The following PVT1 variants were observed in gnomAD, a reference collection of about 807,000 sequenced individuals.
The protein encoded by PVT1 is Pvt1 oncogene, also known as CXCR4/PVT1 fusion.
At chr8:127,980,791 C>CTTTTTTTTTTTTT (rs11361552) in intron 3 of PVT1, among the ~76,000 whole-genome samples, 5 of 120,414 alleles carry the variant, frequency 4.2e-5, no homozygotes, top group Non-Finnish European at 6.7e-5. Flanking sequence ...ACTACAGCTT[C>CTTTTTTTTTTTTT]TTTTTTTTTT....
intron 1 of PVT1, among the ~76,000 whole-genome samples, chr8:127,794,935 C>T (rs1814376891): frequency 6.6e-6 from 1 of 152,066 alleles, no homozygotes; most frequent in South Asian, 2.1e-4. Context: ...AGGGGGATGA[C>T]ACCGAATGGC....
chr8:127,915,251 A>C (rs1223364074), intron 3 of PVT1, among the ~76,000 whole-genome samples: 2 of 152,136 alleles, frequency 1.3e-5, no homozygotes, highest in East Asian at 3.9e-4. Flanking sequence ...AATGGTTAAT[A>C]TTACTTTATG....
chr8:127,809,347 A>AC (rs1225202569), intron 2 of PVT1, among the ~76,000 whole-genome samples: 1 of 152,052 alleles, frequency 6.6e-6, no homozygotes, highest in Admixed American at 6.5e-5. Flanking sequence ...GCATGGCACC[A>AC]CCCCCAGCTA....
At chr8:127,998,799 C>A (rs1396403476) in intron 4 of PVT1, among the ~76,000 whole-genome samples, 1 of 143,532 alleles carries the variant, frequency 7.0e-6, no homozygotes, top group Non-Finnish European at 1.5e-5. Context: ...TTCCTTTCCT[C>A]CTTCCTCTTC....
Position 128,061,284 on chromosome 8 carries a change from C to G in PVT1, n.913-8876C>G, listed in dbSNP as rs116156457. 2.4e-3 allele frequency among the ~76,000 whole-genome samples: 368 copies of G among 152,326 alleles called. 2 individuals are homozygous for G. The highest frequency in any genetic ancestry group is 8.5e-3 in the African/African-American group (355 of 41,558). On this transcript the variant is annotated intron_variant and non_coding_transcript_variant, in intron 4 of 10. Coordinates refer to ENST00000651587, the Ensembl canonical transcript of PVT1. ...TGGTCTTTTGTGAGGAACTTCTTCA[C>G]TTGGCATAATGTTTTCAAGGTTCAT...
chr8:127,852,641 A>G (rs887322588), intron 2 of PVT1, among the ~76,000 whole-genome samples: 14 of 152,176 alleles, frequency 9.2e-5, no homozygotes, highest in African/African-American at 2.9e-4. Flanking sequence ...TCCTGGCAAG[A>G]TTGCTATCAG....
chr8:127,929,610 C>CA (rs1245649353), intron 3 of PVT1, among the ~76,000 whole-genome samples: 53 of 151,782 alleles, frequency 3.5e-4, no homozygotes, highest in African/African-American at 9.9e-4. Context: ...ACTAAAAATA[C>CA]AAAAAAAATT....
At chr8:127,955,652 G>A (rs983885353) in intron 3 of PVT1, among the ~76,000 whole-genome samples, 2 of 149,672 alleles carry the variant, frequency 1.3e-5, no homozygotes, top group African/African-American at 4.9e-5. Context: ...GTGCAATCTC[G>A]GCCCACTACA....
chr8:127,954,451 C>T (rs1408373074), intron 3 of PVT1, among the ~76,000 whole-genome samples: 2 of 152,064 alleles, frequency 1.3e-5, no homozygotes, highest in African/African-American at 2.4e-5. Context: ...CGCACCACCA[C>T]CCCCAGCTAA....
At chr8:127,909,022 C>T (rs757581174) in intron 3 of PVT1, among the ~76,000 whole-genome samples, 18 of 152,102 alleles carry the variant, frequency 1.2e-4, no homozygotes, top group Non-Finnish European at 2.4e-4. Context: ...TTTTTCCCCA[C>T]GTGGCCCCTG....
intron 4 of PVT1, among the ~76,000 whole-genome samples, chr8:128,063,374 C>T (rs561247500): frequency 6.6e-6 from 1 of 152,074 alleles, no homozygotes; most frequent in South Asian, 2.1e-4. Flanking sequence ...TAGCCAGGTG[C>T]GGTGGAGGAC....
At chr8:127,839,652 A>G (rs1017696570) in intron 2 of PVT1, among the ~76,000 whole-genome samples, 17 of 152,108 alleles carry the variant, frequency 1.1e-4, no homozygotes, top group African/African-American at 3.6e-4. Flanking sequence ...AGGCAGGCAG[A>G]GGGCATACGA....
intron 2 of PVT1, among the ~76,000 whole-genome samples, chr8:127,796,875 T>G (rs1814402152): frequency 7.1e-6 from 1 of 140,904 alleles, no homozygotes. Context: ...TCTCTTGTTT[T>G]GCTTTTTTTT....
intron 2 of PVT1, among the ~76,000 whole-genome samples, chr8:127,829,111 A>G (rs1489729557): frequency 1.3e-5 from 2 of 152,110 alleles, no homozygotes. Context: ...TGCTGTTTCT[A>G]CTAAAAATAC....
chr8:128,033,305 G>T (rs1813420379), intron 4 of PVT1, among the ~76,000 whole-genome samples: 1 of 151,892 alleles, frequency 6.6e-6, no homozygotes, highest in African/African-American at 2.4e-5. Flanking sequence ...CACCTGCCTG[G>T]TTCCCATGTG....
At position 127,853,479 on chromosome 8, in the gene PVT1, C is replaced by T. The variant is rs542287613; in HGVS notation, n.373-37110C>T. 2.0e-5 allele frequency among the ~76,000 whole-genome samples: 3 copies of T among 152,168 alleles called. No individual in the cohort carries two copies. The East Asian group carries it at 5.8e-4, about 29-fold the overall frequency. Reference sequence around the variant, plus strand: ...TGTTGGGCACGTGGTCGTAACTGAGCTTTAAAAGTGAATGAGAGGAGCCAT... The same window carrying T: ...TGTTGGGCACGTGGTCGTAACTGAGTTTTAAAAGTGAATGAGAGGAGCCAT... On this transcript the variant is annotated intron_variant and non_coding_transcript_variant, in intron 2 of 10. Transcript: ENST00000651587.
chr8:127,968,081 G>A (rs545519767), intron 3 of PVT1, among the ~76,000 whole-genome samples: 2 of 152,320 alleles, frequency 1.3e-5, no homozygotes, highest in African/African-American at 2.4e-5. Context: ...AATGTTTATG[G>A]AAGGTCTGCC....
chr8:127,868,821 G>A (rs797017730), intron 2 of PVT1, among the ~76,000 whole-genome samples: 77 of 3,790 alleles, frequency 0.02, no homozygotes, highest in East Asian at 0.1. Context: ...ATATATATAT[G>A]TATGTATTAT....
chr8:127,976,951 G>C (rs908935785), intron 3 of PVT1, among the ~76,000 whole-genome samples: 4 of 152,094 alleles, frequency 2.6e-5, no homozygotes, highest in African/African-American at 9.7e-5. Context: ...TGCCATCTCT[G>C]ACAGCCCCAG....
Sources: gnomAD v4.1 joint callset for allele counts (sites outside exome capture counted in the v4.1 genomes callset) on GRCh38, gnomAD v4.1.1 for gene constraint, MANE v1.5 for transcripts, NCBI Gene and HGNC (gene_info 2026-07-23, HGNC 2026-07-21) for gene names.